Variants in DYNC1I1 observed in about 807,000 individuals in gnomAD.
DYNC1I1 encodes the protein dynein cytoplasmic 1 intermediate chain 1, also known as cytoplasmic dynein 1 intermediate chain 1.
A neutral mutation model predicts 86.6 loss-of-function variants in DYNC1I1; 43 were observed. That is an observed-to-expected ratio of 0.50 (90% CI 0.39 to 0.64). The LOEUF is 0.64. Ranked by LOEUF, DYNC1I1 falls within the 30% of genes least tolerant of loss-of-function variation. The pLI, the probability that DYNC1I1 is intolerant of heterozygous loss-of-function variation, is 0.00. For missense variants in DYNC1I1, 604 were observed against 788.8 expected (o/e 0.77, Z 2.81); for synonymous variants, 262 against 283.7 (o/e 0.92, Z 0.77).
chr7:95,799,757 A>G (rs1475840023), intron 1 of DYNC1I1, among the ~76,000 whole-genome samples: 1 of 151,964 alleles, frequency 6.6e-6, no homozygotes, highest in Non-Finnish European at 1.5e-5. Flanking sequence ...AGGAACACAG[A>G]TTGGATTTCC....
At chr7:96,078,512 A>G (rs2116257833) in intron 15 of DYNC1I1, among the ~76,000 whole-genome samples, 2 of 152,288 alleles carry the variant, frequency 1.3e-5, no homozygotes, top group South Asian at 4.1e-4. Flanking sequence ...TGTAATATAT[A>G]TGAAAAGAAA....
chr7:95,984,867 G>A lies in DYNC1I1; in HGVS notation c.633G>A (p.Glu211=). The A allele has an allele frequency of 6.2e-7, 1 of 1,613,326 alleles. No individual in the cohort carries two copies. ...AAAAACAGCAGATCCTTCATTCAGA[G>A]GAATTTCTCATCTTTTTTGACCGGA... ...EEEKQQILHS[E]EFLIFFDRTI... Residue 211 remains glutamate (E), a synonymous_variant, in exon 8 of 17, where the codon GAG becomes GAA. Transcript: ENST00000447467.
chr7:95,849,012 C>A (rs1166357404), intron 5 of DYNC1I1, among the ~76,000 whole-genome samples: 1 of 152,092 alleles, frequency 6.6e-6, no homozygotes, highest in African/African-American at 2.4e-5. Context: ...TACTCATTGA[C>A]CATCTGTATG....
chr7:95,913,987 G>A (rs1791404986), intron 6 of DYNC1I1, among the ~76,000 whole-genome samples: 1 of 152,150 alleles, frequency 6.6e-6, no homozygotes, highest in Non-Finnish European at 1.5e-5. Flanking sequence ...CTGATCTTGG[G>A]CAGAATTGTG....
chr7:95,940,335 ATG>A (rs1562950235), intron 6 of DYNC1I1, among the ~76,000 whole-genome samples: 3 of 151,858 alleles, frequency 2.0e-5, no homozygotes, highest in Non-Finnish European at 4.4e-5. Flanking sequence ...CTGAATCTGA[ATG>A]TTGGCCTGCC....
chr7:95,989,042 G>C (rs1793665201), intron 9 of DYNC1I1, among the ~76,000 whole-genome samples: 1 of 152,200 alleles, frequency 6.6e-6, no homozygotes, highest in African/African-American at 2.4e-5. Flanking sequence ...AACTAAAAGA[G>C]CTTGTAAAGG....
At chr7:95,979,999 G>T (rs1295611996) in intron 7 of DYNC1I1, among the ~76,000 whole-genome samples, 1 of 152,104 alleles carries the variant, frequency 6.6e-6, no homozygotes, top group East Asian at 1.9e-4. Context: ...GTGATAAGGA[G>T]CCAGGGTATA....
intron 16 of DYNC1I1, among the ~76,000 whole-genome samples, chr7:96,106,385 A>C (rs568843304): frequency 9.2e-5 from 14 of 152,194 alleles, no homozygotes; most frequent in African/African-American, 3.4e-4. Flanking sequence ...AATGCAAAAA[A>C]TTAGCCAGGT....
chr7:95,997,542 A>T (rs1218656120), intron 10 of DYNC1I1, among the ~76,000 whole-genome samples: 1 of 151,778 alleles, frequency 6.6e-6, no homozygotes, highest in Non-Finnish European at 1.5e-5. Context: ...GTTTTACCAC[A>T]CAACAATAGT....
intron 9 of DYNC1I1, among the ~76,000 whole-genome samples, chr7:95,987,702 T>C (rs1008673199): frequency 2.0e-5 from 3 of 152,180 alleles, no homozygotes; most frequent in Non-Finnish European, 2.9e-5. Flanking sequence ...AACAGCCTAT[T>C]TATATCTCCC....
chr7:95,940,155 G>T, intron 6 of DYNC1I1, among the ~76,000 whole-genome samples: 1 of 152,158 alleles, frequency 6.6e-6, no homozygotes, highest in Non-Finnish European at 1.5e-5. Flanking sequence ...CAGAGTTTCT[G>T]CCGAGAGATC....
At chr7:95,842,816 A>G (rs1345110177) in intron 5 of DYNC1I1, among the ~76,000 whole-genome samples, 2 of 152,032 alleles carry the variant, frequency 1.3e-5, no homozygotes, top group African/African-American at 4.8e-5. Flanking sequence ...GAGAGTTCTC[A>G]GCCTCCTATT....
chr7:95,859,351 C>A (rs1462774659), intron 5 of DYNC1I1, among the ~76,000 whole-genome samples: 1 of 152,042 alleles, frequency 6.6e-6, no homozygotes, highest in Non-Finnish European at 1.5e-5. Flanking sequence ...ATTATTTTGA[C>A]CCTTTGGGAA....
chr7:95,981,875 G>A (rs1229572500), intron 7 of DYNC1I1, among the ~76,000 whole-genome samples: 1 of 152,104 alleles, frequency 6.6e-6, no homozygotes, highest in East Asian at 1.9e-4. Context: ...AGATTCCAGG[G>A]ATAGGGAAAA....
At chr7:96,095,488 T>C (rs1216164522) in intron 16 of DYNC1I1, among the ~76,000 whole-genome samples, 1 of 152,180 alleles carries the variant, frequency 6.6e-6, no homozygotes, top group Non-Finnish European at 1.5e-5. Flanking sequence ...CTCAGCTCTT[T>C]ATGAGCAAGG....
intron 5 of DYNC1I1, among the ~76,000 whole-genome samples, chr7:95,857,920 G>A (rs1295084363): frequency 6.6e-6 from 1 of 152,170 alleles, no homozygotes; most frequent in Admixed American, 6.5e-5. Context: ...GTCACATCTA[G>A]CCTTTTCTTT....
intron 2 of DYNC1I1, among the ~76,000 whole-genome samples, chr7:95,807,871 G>A (rs1794738073): frequency 6.6e-6 from 1 of 152,100 alleles, no homozygotes; most frequent in African/African-American, 2.4e-5. Flanking sequence ...TTAAGAGATT[G>A]CAAGCTTTCA....
intron 6 of DYNC1I1, among the ~76,000 whole-genome samples, chr7:95,968,824 CTG>C (rs56022930): frequency 0.12 from 11,385 of 94,050 alleles, 452 homozygotes; most frequent in Non-Finnish European, 0.14. Flanking sequence ...ATTTTTTGCT[CTG>C]TGTGTGTGTG....
intron 6 of DYNC1I1, among the ~76,000 whole-genome samples, chr7:95,881,554 T>G (rs755596501): frequency 4.6e-5 from 7 of 152,236 alleles, no homozygotes; most frequent in Non-Finnish European, 1.0e-4. Flanking sequence ...TTGGACTATT[T>G]GGGAACAAAT....
Sources: allele counts gnomAD v4.1 joint callset (sites outside exome capture counted in the v4.1 genomes callset), GRCh38; gene constraint gnomAD v4.1.1; transcripts MANE v1.5; gene names NCBI Gene and HGNC (gene_info 2026-07-23, HGNC 2026-07-21).